ADAP1: variants seen among roughly 807,000 people sequenced by gnomAD.
ADAP1 encodes the protein ArfGAP with dual PH domains 1, also known as arf-GAP with dual PH domain-containing protein 1.
ADAP1 carries 31 observed loss-of-function variants against 54.9 expected under a neutral mutation model. That is an observed-to-expected ratio of 0.56 (90% CI 0.42 to 0.76). ADAP1 has a LOEUF of 0.76. Among genes scored for constraint, ADAP1 ranks in the 30% least tolerant of loss-of-function variants. ADAP1 has a pLI of 0.00. For synonymous variants in ADAP1, 313 were observed against 202.6 expected (o/e 1.55, Z -4.63); for missense variants, 535 against 512.4 (o/e 1.04, Z -0.42).
intron 1 of ADAP1, among the ~76,000 whole-genome samples, chr7:950,210 G>T (rs1010371832): frequency 5.3e-5 from 8 of 152,244 alleles, no homozygotes; most frequent in Non-Finnish European, 1.2e-4. Flanking sequence ...TACCAGCCGG[G>T]CATGGTGGCT....
intron 4 of ADAP1, among the ~76,000 whole-genome samples, chr7:906,755 T>TGGGGGACG (rs1845452838): frequency 4.5e-5 from 1 of 22,236 alleles, no homozygotes; most frequent in African/African-American, 2.0e-4. Context: ...ATAGGGGACA[T>TGGGGGACG]GGACAGGGGA....
chr7:930,177 CA>C (rs1274670725), intron 2 of ADAP1, among the ~76,000 whole-genome samples: 1 of 142,770 alleles, frequency 7.0e-6, no homozygotes, highest in African/African-American at 2.6e-5. Flanking sequence ...CCTAAAACCA[CA>C]AAATAAAACG....
intron 6 of ADAP1, among the ~76,000 whole-genome samples, chr7:902,803 T>C (rs577839116): frequency 3.4e-5 from 5 of 144,928 alleles, no homozygotes; most frequent in African/African-American, 5.0e-5. Flanking sequence ...ACGCACAGCA[T>C]TGGAGAATTT....
chr7:948,281 ACCCCT>A (rs1201239584), intron 1 of ADAP1, among the ~76,000 whole-genome samples: 2 of 144,388 alleles, frequency 1.4e-5, no homozygotes, highest in African/African-American at 5.2e-5. Flanking sequence ...TCTGCCCCTC[ACCCCT>A]CCCTCCATCA....
chr7:949,311 G>T (rs1319850388), intron 1 of ADAP1, among the ~76,000 whole-genome samples: 1 of 152,250 alleles, frequency 6.6e-6, no homozygotes, highest in African/African-American at 2.4e-5. Flanking sequence ...AGCCACCTTG[G>T]ACCCCACCAA....
chr7:915,293 C>T (rs1845889391), intron 4 of ADAP1, among the ~76,000 whole-genome samples: 1 of 152,164 alleles, frequency 6.6e-6, no homozygotes, highest in Non-Finnish European at 1.5e-5. Context: ...GTCTGTGTAC[C>T]TCACCCGTGC....
At position 946,628 on chromosome 7, in the gene ADAP1, C is replaced by T. The variant is rs1847147389; in HGVS notation, c.82+7768G>A. Reference sequence around the variant, plus strand: ...CGGGAACCCCACGGTGAAGGCCATCCCCAGTCCTCCCTGGACCCACCCTGT... The same window carrying T: ...CGGGAACCCCACGGTGAAGGCCATCTCCAGTCCTCCCTGGACCCACCCTGT... On this transcript the variant is annotated intron_variant, in intron 1 of 10. Coordinates refer to ENST00000265846, the MANE Select transcript of ADAP1 (RefSeq NM_006869.4). The surrounding 1 kb of genome is among the most constrained non-coding windows in gnomAD (Gnocchi z 4.3). 6.6e-6 allele frequency among the ~76,000 whole-genome samples: 1 copy of T among 151,996 alleles called. No homozygotes were observed. The highest frequency in any genetic ancestry group is 2.4e-5 in the African/African-American group (1 of 41,388).
Position 954,386 on chromosome 7 carries a change from C to T in ADAP1, c.82+10G>A. ...CCACCCGGCCCCGCGCCCACCCGGC[C>T]CACACCTACCCGGGGCGCCGCAGTC... On this transcript the variant is annotated intron_variant, in intron 1 of 10. Coordinates refer to ENST00000265846, the MANE Select transcript of ADAP1 (RefSeq NM_006869.4). 3.6e-6 allele frequency: 4 copies of T among 1,110,782 alleles called. No homozygotes were observed. Among genetic ancestry groups the T allele is most frequent in the Non-Finnish European group, 4.4e-6 (4 of 904,006 alleles). 68.8% of individuals were successfully genotyped at this position (1,110,782 alleles called of 1,614,324 possible).
intron 1 of ADAP1, among the ~76,000 whole-genome samples, chr7:942,433 AAGGGAGAGAG>A: frequency 7.0e-5 from 5 of 71,532 alleles, no homozygotes; most frequent in African/African-American, 2.6e-4. Flanking sequence ...GAGGAGGAGG[AAGGGAGAGAG>A]GAGGAGGAAG....
intron 4 of ADAP1, among the ~76,000 whole-genome samples, chr7:907,726 C>T (rs1342663654): frequency 6.6e-6 from 1 of 152,352 alleles, no homozygotes; most frequent in East Asian, 1.9e-4. Context: ...CTTGCAGCAT[C>T]CGTGTCCTGG....
intron 4 of ADAP1, chr7:905,581 A>AGAAAGG (rs1845174827): frequency 3.7e-4 from 7 of 18,774 alleles, no homozygotes; most frequent in African/African-American, 1.1e-3. Context: ...AGGAGAAAGG[A>AGAAAGG]GAAAGGAGAA....
chr7:906,753 CATGGA>C, intron 4 of ADAP1, among the ~76,000 whole-genome samples: 1 of 18,586 alleles, frequency 5.4e-5, no homozygotes, highest in African/African-American at 2.0e-4. Flanking sequence ...ACATAGGGGA[CATGGA>C]CAGGGGACAT....
chr7:932,822 G>T (rs1257564611), intron 2 of ADAP1, among the ~76,000 whole-genome samples: 1 of 152,234 alleles, frequency 6.6e-6, no homozygotes, highest in African/African-American at 2.4e-5. Flanking sequence ...GATTCGCAGG[G>T]ACGCCCTCAA....
At chr7:910,639 T>C (rs1251524494) in intron 4 of ADAP1, among the ~76,000 whole-genome samples, 1 of 152,194 alleles carries the variant, frequency 6.6e-6, no homozygotes, top group East Asian at 1.9e-4. Flanking sequence ...ACGTATGTGA[T>C]TTATATGCTA....
At chr7:927,265 G>T in intron 2 of ADAP1, 1 of 1,240,610 alleles carries the variant, frequency 8.1e-7, no homozygotes, top group Non-Finnish European at 1.0e-6. Context: ...CGTTCCAGGA[G>T]GCTCGTGCTC....
chr7:905,104 G>A lies in ADAP1; in HGVS notation c.457C>T (p.Leu153=). ...TTCAGAGCACCCTCTCGTTCTGTCA[G>A]CACAAACTTCCGGCTCAAAAACTGC... ...NGQFLSRKFV[L]TEREGALKYF... The change falls in exon 5 of 11, where the codon CTG becomes TTG. Residue 153 remains leucine (L), a synonymous_variant. Transcript: ENST00000265846. 6.2e-7 allele frequency: 1 copy of A among 1,612,376 alleles called. No individual in the cohort carries two copies. The highest frequency in any genetic ancestry group is 8.5e-7 in the Non-Finnish European group (1 of 1,179,902).
At chr7:905,431 A>AGGGAGAAAG (rs1158366369) in intron 4 of ADAP1, 1 of 137,370 alleles carries the variant, frequency 7.3e-6, no homozygotes, top group Non-Finnish European at 1.2e-5. Flanking sequence ...GAAAGGAGAA[A>AGGGAGAAAG]GGAGAAAGGG....
rs567685159 is a variant in ADAP1, at chr7:954,177, C to G, written c.82+219G>C. ...GGGTTTCCGGGGGTCCTGGGGGGGG[C>G]CCCCCCGCTGCGCCCGGCCCGGGAA... On this transcript the variant is annotated intron_variant, in intron 1 of 10. Coordinates refer to ENST00000265846, the MANE Select transcript of ADAP1 (RefSeq NM_006869.4). Among the ~76,000 whole-genome samples, 589 of 151,212 alleles carry G rather than the reference C, an allele frequency of 3.9e-3. 3 individuals are homozygous for G. Among genetic ancestry groups the G allele is most frequent in the Non-Finnish European group, 6.0e-3 (404 of 67,484 alleles).
At chr7:909,270 AG>A in intron 4 of ADAP1, among the ~76,000 whole-genome samples, 1 of 40,852 alleles carries the variant, frequency 2.4e-5, no homozygotes, top group African/African-American at 2.1e-4. Context: ...ACCTCCCGAC[AG>A]CAGGCGCCAG....
Sources: gnomAD v4.1 joint callset for allele counts (sites outside exome capture counted in the v4.1 genomes callset) on GRCh38, gnomAD v4.1.1 for gene constraint, Gnocchi (gnomAD v3.1) non-coding constraint, MANE v1.5 for transcripts, NCBI Gene and HGNC (gene_info 2026-07-23, HGNC 2026-07-21) for gene names.